Variants in TXNL4A observed in about 807,000 individuals in gnomAD.
TXNL4A encodes thioredoxin like 4A, also known as thioredoxin-like protein 4A.
In TXNL4A, 17 loss-of-function variants were observed where a neutral mutation model predicts 14.6. The observed-to-expected ratio is 1.16, with a 90% CI of 0.80 to 1.74. TXNL4A has a LOEUF of 1.74. TXNL4A is among the 40% of genes most tolerant of loss of function. The probability of loss-of-function intolerance (pLI) is 0.00; values close to 1 mark genes in which losing one functional copy is unlikely to be tolerated. For missense variants in TXNL4A, 74 were observed against 195.2 expected (o/e 0.38, Z 3.70); for synonymous variants, 83 against 70.6 (o/e 1.18, Z -0.88).
rs1302017548 is a variant in TXNL4A at position 79,988,537 on chromosome 18, C to G, written c.-145G>C. On this transcript the variant is annotated 5_prime_UTR_variant, in exon 1 of 3. Coordinates refer to ENST00000269601, the MANE Select transcript of TXNL4A (RefSeq NM_006701.5). ...GTCCCGCCCGCACACGCAAACTCCG[C>G]TGGGACTGCCACCCGGCAGAACGTC... The G allele has an allele frequency of 1.1e-5, 9 of 840,818 alleles. 1 individual carries two copies. The highest frequency in any genetic ancestry group is 1.4e-5 in the Non-Finnish European group (9 of 630,062). 52.1% of individuals were successfully genotyped at this position (840,818 alleles called of 1,614,324 possible). A position where few individuals can be genotyped will look rare whatever the true frequency, so the allele number is the denominator to read the frequency against.
At position 79,993,986 on chromosome 18, in the gene TXNL4A, G is replaced by A. The variant is rs2145097146; in HGVS notation, c.-60-16285C>T. On this transcript the variant is annotated intron_variant, in intron 1 of 2. Coordinates refer to the TXNL4A transcript ENST00000585474. This position sits in a 1 kb window ranked among gnomAD's most constrained non-coding sequence, Gnocchi z 4.4. ...ATGGCCCTGAAGAGCCAGGTCCCCAGGCAGCACACTTTGGGTCTCACACAC... is the reference window on the plus strand; with the variant it reads ...ATGGCCCTGAAGAGCCAGGTCCCCAAGCAGCACACTTTGGGTCTCACACAC... Among the ~76,000 whole-genome samples, 1 of 152,256 alleles carries A rather than the reference G, an allele frequency of 6.6e-6. No homozygotes were observed. Among genetic ancestry groups the A allele is most frequent in the Admixed American group, 6.5e-5 (1 of 15,288 alleles).
At chr18:79,980,282 T>C (rs1453649464) in intron 1 of TXNL4A, among the ~76,000 whole-genome samples, 2 of 152,226 alleles carry the variant, frequency 1.3e-5, no homozygotes, top group African/African-American at 4.8e-5. Flanking sequence ...TCCAGAATTG[T>C]GAGAGAAGTT....
At chr18:80,006,157 G>A (rs867353467) in intron 1 of TXNL4A, among the ~76,000 whole-genome samples, 11 of 151,956 alleles carry the variant, frequency 7.2e-5, no homozygotes, top group South Asian at 2.1e-4. Context: ...AGGCTAAGGC[G>A]GGCGGATCAC....
chr18:79,983,497 CAT>C (rs2051495389), intron 1 of TXNL4A, among the ~76,000 whole-genome samples: 1 of 152,146 alleles, frequency 6.6e-6, no homozygotes, highest in South Asian at 2.1e-4. Flanking sequence ...CAAACTGGCA[CAT>C]GATACCAACC....
intron 1 of TXNL4A, among the ~76,000 whole-genome samples, chr18:80,023,433 A>T (rs970098888): frequency 5.3e-5 from 8 of 152,210 alleles, no homozygotes; most frequent in African/African-American, 1.9e-4. Flanking sequence ...AACGTTACGT[A>T]AAAACTCTGA....
At chr18:80,006,175 G>C (rs2051729107) in intron 1 of TXNL4A, among the ~76,000 whole-genome samples, 1 of 152,074 alleles carries the variant, frequency 6.6e-6, no homozygotes, top group Admixed American at 6.6e-5. Context: ...CACGAGGTCA[G>C]GAGTTCGAGA....
At chr18:80,004,070 C>A (rs577728670) in intron 1 of TXNL4A, among the ~76,000 whole-genome samples, 8 of 151,724 alleles carry the variant, frequency 5.3e-5, no homozygotes, top group African/African-American at 1.9e-4. Flanking sequence ...TTCAAGAAAT[C>A]ATTCCTTCTT....
In TXNL4A at chr18:79,988,124, G is replaced by A. The variant is rs573412082; in HGVS notation, c.153+116C>T. 1,358 of 1,235,632 alleles carry A rather than the reference G, an allele frequency of 1.1e-3. 3 individuals are homozygous for A. Among genetic ancestry groups the A allele is most frequent in the Non-Finnish European group, 1.3e-3 (1,226 of 960,098 alleles). The allele number at this position is 1,235,632 out of a possible 1,614,324, so 76.5% of individuals were successfully genotyped here. On this transcript the variant is annotated intron_variant, in intron 1 of 2. Transcript: ENST00000269601. Reference sequence around the variant, plus strand: ...CGAGGGGAGGAATCGCCTGAACGACGGAGCCGCGGCCCCTCCTCGGGGAAC... The same window carrying A: ...CGAGGGGAGGAATCGCCTGAACGACAGAGCCGCGGCCCCTCCTCGGGGAAC...
chr18:79,974,151 G>A (rs2051343618), intron 2 of TXNL4A, among the ~76,000 whole-genome samples: 1 of 152,182 alleles, frequency 6.6e-6, no homozygotes, highest in African/African-American at 2.4e-5. Flanking sequence ...AGTGGCTCAT[G>A]CCTGTAATCC....
upstream of TXNL4A, among the ~76,000 whole-genome samples, chr18:79,990,970 C>T (rs974936417): frequency 4.0e-5 from 6 of 151,692 alleles, no homozygotes; most frequent in East Asian, 7.7e-4. Context: ...TAGCCGGGCG[C>T]GGTGGCGGGC....
At chr18:79,983,746 A>G (rs931078357) in intron 1 of TXNL4A, among the ~76,000 whole-genome samples, 2 of 152,252 alleles carry the variant, frequency 1.3e-5, no homozygotes, top group Non-Finnish European at 2.9e-5. Flanking sequence ...TGAGAGAAGT[A>G]ATCACAGTAA....
intron 1 of TXNL4A, among the ~76,000 whole-genome samples, chr18:79,987,508 G>T (rs2051569828): frequency 6.6e-6 from 1 of 152,084 alleles, no homozygotes; most frequent in East Asian, 1.9e-4. Context: ...CCTAGTATTT[G>T]TGCCCTTTGC....
chr18:80,030,153 T>C (rs993988861), intron 1 of TXNL4A, among the ~76,000 whole-genome samples: 1 of 152,234 alleles, frequency 6.6e-6, no homozygotes, highest in Admixed American at 6.5e-5. Flanking sequence ...TCCAGTTCAC[T>C]AAACATTGAC....
At chr18:80,004,404 G>T (rs1289527808) in intron 1 of TXNL4A, among the ~76,000 whole-genome samples, 1 of 152,222 alleles carries the variant, frequency 6.6e-6, no homozygotes, top group Non-Finnish European at 1.5e-5. Context: ...CACCTTACCT[G>T]TGGGTAGGAA....
rs2145090315 is a variant in TXNL4A, at chr18:79,988,425, G to A, written c.-33C>T. On this transcript the variant is annotated 5_prime_UTR_variant, in exon 1 of 3. Coordinates refer to ENST00000269601, the MANE Select transcript of TXNL4A (RefSeq NM_006701.5). ...CGCGCGCTCGCCGCCGCCCAAGGCG[G>A]GGCGCCAGGGAGGGCCCAGCGAGGT... 2.9e-6 allele frequency: 4 copies of A among 1,401,208 alleles called. No homozygotes were observed. The highest frequency in any genetic ancestry group is 2.8e-6 in the Non-Finnish European group (3 of 1,057,832). 86.8% of individuals were successfully genotyped at this position (1,401,208 alleles called of 1,614,324 possible).
At chr18:79,989,291 G>T (rs1427071279), upstream of TXNL4A, among the ~76,000 whole-genome samples, 1 of 152,072 alleles carries the variant, frequency 6.6e-6, no homozygotes, top group Non-Finnish European at 1.5e-5. Flanking sequence ...TTTGTACTTA[G>T]TAGAGACGGG....
chr18:80,032,951 T>C (rs920170225), intron 1 of TXNL4A, among the ~76,000 whole-genome samples: 1 of 113,696 alleles, frequency 8.8e-6, no homozygotes, highest in African/African-American at 3.0e-5. Context: ...CGTTATCTTA[T>C]GTAAAATGCA....
intron 2 of TXNL4A, among the ~76,000 whole-genome samples, chr18:79,974,770 T>C (rs541226623): frequency 2.4e-4 from 36 of 152,196 alleles, no homozygotes; most frequent in Non-Finnish European, 4.3e-4. Context: ...TGAGCCACTG[T>C]GCCGGCCTGA....
chr18:79,998,719 ACT>A (rs1363928943), intron 1 of TXNL4A, among the ~76,000 whole-genome samples: 1 of 148,244 alleles, frequency 6.7e-6, no homozygotes, highest in Non-Finnish European at 1.5e-5. Context: ...ACCCTTCTAA[ACT>A]CTCATCATAC....
Sources: allele counts gnomAD v4.1 joint callset (sites outside exome capture counted in the v4.1 genomes callset), GRCh38; gene constraint gnomAD v4.1.1; non-coding constraint Gnocchi (gnomAD v3.1); transcripts MANE v1.5; gene names NCBI Gene and HGNC (gene_info 2026-07-23, HGNC 2026-07-21).